Variants in BNC2 observed in about 807,000 individuals in gnomAD.
The protein encoded by BNC2 is basonuclin zinc finger protein 2.
BNC2 carries 20 observed loss-of-function variants against 76.3 expected under a neutral mutation model. The ratio of observed to expected loss-of-function variants is 0.26; its 90% confidence interval spans 0.18 to 0.38. The LOEUF (loss-of-function observed/expected upper bound fraction) is 0.38. Ranked by LOEUF, BNC2 falls within the 10% of genes least tolerant of loss-of-function variation. The pLI is 1.00. For missense variants in BNC2, 1,382 were observed against 1,399.8 expected (o/e 0.99, Z 0.20); for synonymous variants, 582 against 514.8 (o/e 1.13, Z -1.77).
At chr9:16,422,652 T>G (rs1820733195) in intron 6 of BNC2, among the ~76,000 whole-genome samples, 1 of 152,208 alleles carries the variant, frequency 6.6e-6, no homozygotes. Flanking sequence ...ACTCTCATGA[T>G]AGTGGGCTTG....
At chr9:16,590,507 T>G (rs533809440) in intron 3 of BNC2, among the ~76,000 whole-genome samples, 1 of 151,714 alleles carries the variant, frequency 6.6e-6, no homozygotes, top group African/African-American at 2.4e-5. Context: ...AAAAGAAAAT[T>G]TGTTCTTCAA....
chr9:16,545,867 TA>T (rs1818467000), intron 5 of BNC2, among the ~76,000 whole-genome samples: 1 of 152,154 alleles, frequency 6.6e-6, no homozygotes, highest in Non-Finnish European at 1.5e-5. Flanking sequence ...GGCAGAGCCA[TA>T]AAACAGCAAT....
intron 4 of BNC2, among the ~76,000 whole-genome samples, chr9:16,563,836 C>T (rs1819086697): frequency 6.6e-6 from 1 of 152,184 alleles, no homozygotes; most frequent in Non-Finnish European, 1.5e-5. Context: ...CCAACTATTT[C>T]ACCGGCAGAT....
intron 4 of BNC2, among the ~76,000 whole-genome samples, chr9:16,577,606 T>C (rs1343399746): frequency 1.3e-5 from 2 of 151,978 alleles, no homozygotes; most frequent in Admixed American, 6.6e-5. Context: ...TAAAAAAAAA[T>C]CAGGAGTTTG....
rs75357478 is a variant in BNC2, at chr9:16,836,072, G to A, written c.3+34574C>T. On this transcript the variant is annotated intron_variant, in intron 1 of 6. Coordinates refer to ENST00000380672, the MANE Select transcript of BNC2 (RefSeq NM_017637.6). ...GAGGTAGTGAGTTTAATCTCTAAAGGCCTACAGGGATTGATTTTAGCAGTT... is the reference window on the plus strand; with the variant it reads ...GAGGTAGTGAGTTTAATCTCTAAAGACCTACAGGGATTGATTTTAGCAGTT... Among the ~76,000 whole-genome samples the A allele has an allele frequency of 3.6e-3, 551 of 152,210 alleles. 4 individuals are homozygous for A. Among genetic ancestry groups the A allele is most frequent in the African/African-American group, 0.013 (533 of 41,546 alleles).
At chr9:16,804,759 G>A (rs1817863725) in intron 1 of BNC2, among the ~76,000 whole-genome samples, 2 of 152,136 alleles carry the variant, frequency 1.3e-5, no homozygotes, top group African/African-American at 2.4e-5. Context: ...AGATCCTGGT[G>A]TGGTTTAAAA....
chr9:16,644,611 T>C (rs958806937), intron 3 of BNC2, among the ~76,000 whole-genome samples: 1 of 152,204 alleles, frequency 6.6e-6, no homozygotes, highest in Non-Finnish European at 1.5e-5. Context: ...AAAATCACCA[T>C]TTATCCTTTA....
chr9:16,793,901 AC>A, intron 1 of BNC2, among the ~76,000 whole-genome samples: 2 of 121,778 alleles, frequency 1.6e-5, no homozygotes, highest in East Asian at 4.6e-4. Context: ...ACGGAGTTTC[AC>A]CGTGTTAGCC....
Position 16,489,555 on chromosome 9 carries a change from T to C in BNC2, c.670-52031A>G, listed in dbSNP as rs929906710. On this transcript the variant is annotated intron_variant, in intron 5 of 6. Transcript: ENST00000380672. ...AAATATGATCCATGGTTTACATAAA[T>C]GTGTTGCTGACATTTTTCATTTCCA... Among the ~76,000 whole-genome samples, 17 of 152,190 alleles carry C rather than the reference T, an allele frequency of 1.1e-4. 1 individual carries two copies. The highest frequency in any genetic ancestry group is 2.9e-4 in the African/African-American group (12 of 41,454).
intron 5 of BNC2, among the ~76,000 whole-genome samples, chr9:16,493,826 T>C (rs781307201): frequency 4.6e-5 from 7 of 152,082 alleles, no homozygotes; most frequent in Non-Finnish European, 1.0e-4. Context: ...ACCATCTAAA[T>C]AGATGCAGCA....
At chr9:16,828,651 A>G (rs1332796318) in intron 1 of BNC2, among the ~76,000 whole-genome samples, 1 of 152,240 alleles carries the variant, frequency 6.6e-6, no homozygotes, top group Non-Finnish European at 1.5e-5. Context: ...ACTTTATTAA[A>G]CCATATGCTC....
At chr9:16,807,354 T>G (rs1243682819) in intron 1 of BNC2, among the ~76,000 whole-genome samples, 2 of 152,224 alleles carry the variant, frequency 1.3e-5, no homozygotes, top group East Asian at 3.8e-4. Context: ...ACAGAAACTA[T>G]CATTTTATTA....
At chr9:16,448,809 T>C (rs1326842681) in intron 5 of BNC2, among the ~76,000 whole-genome samples, 1 of 152,228 alleles carries the variant, frequency 6.6e-6, no homozygotes, top group Non-Finnish European at 1.5e-5. Context: ...CATTATTACT[T>C]GTAACACATA....
intron 5 of BNC2, among the ~76,000 whole-genome samples, chr9:16,508,405 A>G (rs1019972954): frequency 7.2e-5 from 11 of 152,222 alleles, no homozygotes; most frequent in Non-Finnish European, 1.6e-4. Context: ...AACAAAAGAG[A>G]CACAGTCCTT....
chr9:16,564,992 C>T (rs1819128156), intron 4 of BNC2, among the ~76,000 whole-genome samples: 1 of 152,146 alleles, frequency 6.6e-6, no homozygotes, highest in African/African-American at 2.4e-5. Context: ...TCACTTTAAA[C>T]TCTTCCATTG....
At chr9:16,570,233 G>A (rs575339118) in intron 4 of BNC2, among the ~76,000 whole-genome samples, 3 of 152,222 alleles carry the variant, frequency 2.0e-5, no homozygotes, top group Non-Finnish European at 2.9e-5. Flanking sequence ...ATTGAGAGTC[G>A]TGGTATAAAA....
At position 16,418,664 on chromosome 9, in the gene BNC2, CTGTGTGTG is replaced by C. The variant is rs139823578; in HGVS notation, c.*317_*324del. On this transcript the variant is annotated 3_prime_UTR_variant, in exon 7 of 7. Coordinates refer to ENST00000380672, the MANE Select transcript of BNC2 (RefSeq NM_017637.6). ...TGTCAAAACTGGGGCTAGTTGCACA[CTGTGTGTG>C]TGTGTGTGTGTGTGTGTGTATGTGC... 12 of 214,740 alleles carry C rather than the reference CTGTGTGTG, an allele frequency of 5.6e-5. No homozygotes were observed. The highest frequency in any genetic ancestry group is 1.1e-4 in the South Asian group (1 of 8,854). 13.3% of individuals were successfully genotyped at this position (214,740 alleles called of 1,614,324 possible). A position where few individuals can be genotyped will look rare whatever the true frequency, so the allele number is the denominator to read the frequency against.
intron 3 of BNC2, among the ~76,000 whole-genome samples, chr9:16,719,953 A>C (rs1036930638): frequency 6.6e-6 from 1 of 152,206 alleles, no homozygotes; most frequent in Non-Finnish European, 1.5e-5. Flanking sequence ...TGCACAAAAT[A>C]ATAAGTCCAA....
chr9:16,523,564 C>T (rs971862553), intron 5 of BNC2, among the ~76,000 whole-genome samples: 2 of 150,894 alleles, frequency 1.3e-5, no homozygotes, highest in Non-Finnish European at 2.9e-5. Context: ...TCTTGTTAAA[C>T]CCTCTTCAAA....
Sources: allele counts gnomAD v4.1 joint callset (sites outside exome capture counted in the v4.1 genomes callset), GRCh38; gene constraint gnomAD v4.1.1; transcripts MANE v1.5; gene names NCBI Gene and HGNC (gene_info 2026-07-23, HGNC 2026-07-21).